Variants in PAPSS2 observed in about 807,000 individuals in gnomAD.
PAPSS2 encodes the protein 3'-phosphoadenosine 5'-phosphosulfate synthase 2.
PAPSS2 carries 61 observed loss-of-function variants against 66.5 expected under a neutral mutation model. The observed-to-expected ratio is 0.92, with a 90% CI of 0.75 to 1.14. PAPSS2 has a LOEUF of 1.14. Among genes scored for constraint, PAPSS2 ranks in the 50% most tolerant of loss-of-function variants. The pLI is 0.00. For missense variants in PAPSS2, 708 were observed against 789.6 expected, an observed-to-expected ratio of 0.90 and a Z score of 1.24; for synonymous variants, 289 against 287.5, an observed-to-expected ratio of 1.01 and a Z score of -0.05.
chr10:87,708,139 C>CT (rs926799113), intron 1 of PAPSS2, among the ~76,000 whole-genome samples: 21 of 152,012 alleles, frequency 1.4e-4, no homozygotes, highest in African/African-American at 4.1e-4. Context: ...CTCACTTTAC[C>CT]TTTTTTATTC....
At chr10:87,704,472 T>C (rs1322256232) in intron 1 of PAPSS2, among the ~76,000 whole-genome samples, 1 of 152,194 alleles carries the variant, frequency 6.6e-6, no homozygotes, top group Non-Finnish European at 1.5e-5. Flanking sequence ...ACTGTCTCTA[T>C]AGACAAATTA....
At chr10:87,724,340 A>G (rs1003669749) in intron 8 of PAPSS2, among the ~76,000 whole-genome samples, 1 of 151,862 alleles carries the variant, frequency 6.6e-6, no homozygotes, top group Non-Finnish European at 1.5e-5. Flanking sequence ...CTCTGTCATT[A>G]TTAGTTTTAC....
At chr10:87,737,360 C>A (rs543641691) in intron 9 of PAPSS2, among the ~76,000 whole-genome samples, 1 of 151,506 alleles carries the variant, frequency 6.6e-6, no homozygotes, top group African/African-American at 2.4e-5. Flanking sequence ...AGTTAAAAAA[C>A]GGTGGTTCCT....
At chr10:87,660,293 C>T (rs1192837396) in intron 1 of PAPSS2, 4 of 584,462 alleles carry the variant, frequency 6.8e-6, no homozygotes, top group African/African-American at 1.9e-5. Flanking sequence ...GGGTCCGGAT[C>T]TAGATCCAGG....
At chr10:87,678,084 T>C (rs1244089401) in intron 1 of PAPSS2, among the ~76,000 whole-genome samples, 2 of 152,156 alleles carry the variant, frequency 1.3e-5, no homozygotes, top group African/African-American at 4.8e-5. Context: ...TAATACACAT[T>C]CAGATACTAT....
chr10:87,685,696 A>G (rs1853079245), intron 1 of PAPSS2, among the ~76,000 whole-genome samples: 2 of 152,042 alleles, frequency 1.3e-5, no homozygotes, highest in Non-Finnish European at 2.9e-5. Context: ...AAAAAATTTT[A>G]TTTTTTCACA....
At chr10:87,682,584 G>A (rs1853035427) in intron 1 of PAPSS2, among the ~76,000 whole-genome samples, 3 of 151,942 alleles carry the variant, frequency 2.0e-5, no homozygotes, top group Admixed American at 2.0e-4. Context: ...TATGAAGCAT[G>A]GCATCGAAAG....
intron 1 of PAPSS2, among the ~76,000 whole-genome samples, chr10:87,669,802 G>A (rs1852854860): frequency 1.3e-5 from 2 of 152,326 alleles, no homozygotes; most frequent in East Asian, 3.9e-4. Context: ...GGTCTTTAAA[G>A]AGTTACCCAA....
At chr10:87,665,337 G>A (rs1238839073) in intron 1 of PAPSS2, among the ~76,000 whole-genome samples, 1 of 151,734 alleles carries the variant, frequency 6.6e-6, no homozygotes, top group Non-Finnish European at 1.5e-5. Flanking sequence ...TCAGCCTCCC[G>A]AGTAGCTGGA....
chr10:87,737,173 G>A (rs904603694), intron 9 of PAPSS2, among the ~76,000 whole-genome samples: 1 of 152,116 alleles, frequency 6.6e-6, no homozygotes, highest in African/African-American at 2.4e-5. Flanking sequence ...TTATGAGATA[G>A]ACACAACCAA....
At chr10:87,683,015 C>G (rs1035588011) in intron 1 of PAPSS2, among the ~76,000 whole-genome samples, 3 of 152,100 alleles carry the variant, frequency 2.0e-5, no homozygotes, top group Non-Finnish European at 4.4e-5. Context: ...AAGCTAGGCC[C>G]AGAACCACTT....
chr10:87,738,423 G>A (rs566242790), intron 9 of PAPSS2, among the ~76,000 whole-genome samples: 12 of 151,090 alleles, frequency 7.9e-5, no homozygotes, highest in Admixed American at 7.3e-4. Context: ...GTGTATGTGT[G>A]TGTGTGTGTG....
At chr10:87,716,935 G>A (rs1187667259) in intron 7 of PAPSS2, among the ~76,000 whole-genome samples, 1 of 152,108 alleles carries the variant, frequency 6.6e-6, no homozygotes, top group Non-Finnish European at 1.5e-5. Context: ...CCTCACAAAA[G>A]CCCTAGAAAA....
chr10:87,686,888 A>G (rs1183597715), intron 1 of PAPSS2, among the ~76,000 whole-genome samples: 2 of 152,210 alleles, frequency 1.3e-5, no homozygotes, highest in African/African-American at 4.8e-5. Flanking sequence ...TAGGCATGGA[A>G]TAAATGCAAG....
At position 87,743,551 on chromosome 10, in the gene PAPSS2, C is replaced by T. The variant is rs145487582; in HGVS notation, c.1401C>T (p.His467=). Residue 467 remains histidine, a synonymous_variant, in exon 11 of 13, where the codon CAC becomes CAT. Coordinates refer to ENST00000456849, the MANE Select transcript of PAPSS2 (RefSeq NM_001015880.2). ...DVPLDWRMKQ[H]AAVLEEGVLD... ...CTCTAGACTGGCGGATGAAGCAGCA[C>T]GCGGCTGTGCTCGAGGAAGGGGTCC... 6.8e-5 allele frequency: 109 copies of T among 1,614,112 alleles called. No homozygotes were observed. Among genetic ancestry groups the T allele is most frequent in the Non-Finnish European group, 7.1e-5 (84 of 1,180,006 alleles).
intron 9 of PAPSS2, among the ~76,000 whole-genome samples, chr10:87,739,512 G>C (rs563753631): frequency 3.6e-4 from 55 of 152,160 alleles, no homozygotes; most frequent in Non-Finnish European, 6.2e-4. Flanking sequence ...TTTCCCCCAG[G>C]GTCTCTAATT....
chr10:87,714,294 A>G (rs1853504765), intron 4 of PAPSS2, 112 bp downstream of exon 4: 7 of 1,127,116 alleles, frequency 6.2e-6, no homozygotes, highest in Admixed American at 1.7e-5. Flanking sequence ...AAAATTGCAT[A>G]TAACATGCAC....
intron 9 of PAPSS2, among the ~76,000 whole-genome samples, chr10:87,736,848 TCTC>T (rs1316719163): frequency 1.3e-5 from 2 of 152,200 alleles, no homozygotes; most frequent in Non-Finnish European, 2.9e-5. Context: ...AACTCTCCCT[TCTC>T]CTTCTATGCT....
chr10:87,709,091 G>A (rs939916414), intron 1 of PAPSS2, 105 bp from the exon 2 acceptor site: 5 of 731,142 alleles, frequency 6.8e-6, no homozygotes, highest in Non-Finnish European at 1.3e-5. Context: ...GTTGTTACAT[G>A]TATCAGTTTC....
Sources: gnomAD v4.1 joint callset for allele counts (sites outside exome capture counted in the v4.1 genomes callset) on GRCh38, gnomAD v4.1.1 for gene constraint, MANE v1.5 for transcripts, NCBI Gene and HGNC (gene_info 2026-07-23, HGNC 2026-07-21) for gene names.